TMEM117: variants seen among roughly 807,000 people sequenced by gnomAD.
TMEM117 encodes the protein transmembrane protein 117.
TMEM117 carries 27 observed loss-of-function variants against 52.4 expected under a neutral mutation model. That is an observed-to-expected ratio of 0.51 (90% confidence interval 0.38 to 0.71). TMEM117 has a LOEUF of 0.71. Ranked by LOEUF, TMEM117 falls within the 30% of genes least tolerant of loss-of-function variation. The probability of loss-of-function intolerance (pLI) is 0.00; values close to 1 mark genes in which losing one functional copy is unlikely to be tolerated. For synonymous variants in TMEM117, 215 were observed against 206.3 expected (o/e 1.04, Z -0.36); for missense variants, 556 against 630.5 (o/e 0.88, Z 1.26).
chr12:44,151,938 T>A (rs1265346060), intron 4 of TMEM117, among the ~76,000 whole-genome samples: 1 of 129,084 alleles, frequency 7.7e-6, no homozygotes, highest in Non-Finnish European at 1.6e-5. Context: ...TTATATATTA[T>A]ATTATATTAC....
chr12:44,255,451 C>T (rs1950249089), intron 5 of TMEM117, among the ~76,000 whole-genome samples: 1 of 152,096 alleles, frequency 6.6e-6, no homozygotes, highest in Non-Finnish European at 1.5e-5. Context: ...ATTTATAATA[C>T]TGACATATAA....
intron 4 of TMEM117, among the ~76,000 whole-genome samples, chr12:44,152,440 T>C (rs1948753501): frequency 8.6e-6 from 1 of 115,722 alleles, no homozygotes. Context: ...ATATTATATT[T>C]ATATAATATA....
intron 5 of TMEM117, among the ~76,000 whole-genome samples, chr12:44,222,904 A>G (rs1949807884): frequency 6.6e-6 from 1 of 152,170 alleles, no homozygotes; most frequent in Admixed American, 6.5e-5. Flanking sequence ...AGAATGCTAC[A>G]TTCTCTAAAT....
At chr12:44,182,396 A>G (rs192307834) in intron 4 of TMEM117, among the ~76,000 whole-genome samples, 219 of 152,274 alleles carry the variant, frequency 1.4e-3, no homozygotes, top group African/African-American at 5.0e-3. Flanking sequence ...ACTATGTTGA[A>G]TAGGAGTGGT....
chr12:44,137,252 CTTT>C (rs1948504417), intron 3 of TMEM117, among the ~76,000 whole-genome samples: 1 of 151,946 alleles, frequency 6.6e-6, no homozygotes, highest in Non-Finnish European at 1.5e-5. Flanking sequence ...GAAGCGATAA[CTTT>C]CAAAAGTAAT....
At chr12:43,974,136 A>G (rs1290210651) in intron 3 of TMEM117, among the ~76,000 whole-genome samples, 4 of 152,138 alleles carry the variant, frequency 2.6e-5, no homozygotes, top group Non-Finnish European at 2.9e-5. Flanking sequence ...GTTGGAAGAG[A>G]ACAGTTTCCT....
the TMEM117 span, among the ~76,000 whole-genome samples, chr12:43,811,108 G>A: frequency 1.3e-5 from 2 of 152,312 alleles, no homozygotes; most frequent in Middle Eastern, 3.4e-3. Context: ...AATATTTGAT[G>A]TGGCAAGGTG....
chr12:44,384,038 A>G (rs1319523230), intron 7 of TMEM117, among the ~76,000 whole-genome samples: 1 of 152,128 alleles, frequency 6.6e-6, no homozygotes, highest in African/African-American at 2.4e-5. Flanking sequence ...CTCACTTTAT[A>G]GACAAGAACA....
chr12:44,100,927 TG>T (rs1947850603), intron 3 of TMEM117, among the ~76,000 whole-genome samples: 1 of 151,952 alleles, frequency 6.6e-6, no homozygotes, highest in African/African-American at 2.4e-5. Context: ...TATGACACAC[TG>T]GGTGGATTAT....
intron 3 of TMEM117, among the ~76,000 whole-genome samples, chr12:44,000,612 CACTGTCA>C (rs1946101605): frequency 6.6e-6 from 1 of 152,154 alleles, no homozygotes; most frequent in Admixed American, 6.5e-5. Flanking sequence ...TTACTCAGCA[CACTGTCA>C]ACTGTACCTC....
chr12:44,195,584 AC>A (rs1949408044), intron 4 of TMEM117, among the ~76,000 whole-genome samples: 1 of 152,108 alleles, frequency 6.6e-6, no homozygotes, highest in South Asian at 2.1e-4. Context: ...TGCCTGGAAA[AC>A]ATATACCAGG....
intron 1 of TMEM117, among the ~76,000 whole-genome samples, chr12:43,840,969 T>C (rs1302120183): frequency 6.6e-6 from 1 of 152,174 alleles, no homozygotes; most frequent in Non-Finnish European, 1.5e-5. Flanking sequence ...CTCTGGATAA[T>C]ATTGGGGTAC....
At chr12:44,144,088 T>G (rs188807918) in intron 4 of TMEM117, among the ~76,000 whole-genome samples, 72 of 152,332 alleles carry the variant, frequency 4.7e-4, no homozygotes, top group African/African-American at 1.5e-3. Flanking sequence ...AGAAATCATT[T>G]TCTACATTTA....
chr12:43,842,876 C>T (rs1395218804), intron 1 of TMEM117, among the ~76,000 whole-genome samples: 4 of 152,132 alleles, frequency 2.6e-5, no homozygotes, highest in Non-Finnish European at 2.9e-5. Flanking sequence ...GGACCTGGGC[C>T]TGCTCTCTAG....
At chr12:43,796,839 A>G in the TMEM117 span, 1 of 892,698 alleles carries the variant, frequency 1.1e-6, no homozygotes, top group African/African-American at 1.7e-5. Flanking sequence ...CCAGGCACTT[A>G]GAGGAGATCC....
At chr12:44,216,331 A>G (rs1949718524) in intron 5 of TMEM117, among the ~76,000 whole-genome samples, 1 of 152,028 alleles carries the variant, frequency 6.6e-6, no homozygotes, top group Non-Finnish European at 1.5e-5. Flanking sequence ...TTCAGTTGCA[A>G]TTGTGGAAGC....
the TMEM117 span, among the ~76,000 whole-genome samples, chr12:44,396,576 G>A: frequency 2.6e-5 from 4 of 152,132 alleles, no homozygotes; most frequent in Non-Finnish European, 4.4e-5. Flanking sequence ...CATTTAGGCC[G>A]GGTGCGGTGG....
At chr12:43,981,737 G>T (rs926826114) in intron 3 of TMEM117, among the ~76,000 whole-genome samples, 9 of 152,020 alleles carry the variant, frequency 5.9e-5, no homozygotes, top group Non-Finnish European at 8.8e-5. Context: ...GAGAAAATGG[G>T]TTCTACTACA....
At chr12:43,996,525 C>T (rs535907316) in intron 3 of TMEM117, among the ~76,000 whole-genome samples, 173 of 152,108 alleles carry the variant, frequency 1.1e-3, no homozygotes, top group African/African-American at 3.9e-3. Context: ...CGCCTGTAGT[C>T]CCAGCTACTT....
Sources: gnomAD v4.1 joint callset for allele counts (sites outside exome capture counted in the v4.1 genomes callset) on GRCh38, gnomAD v4.1.1 for gene constraint, MANE v1.5 for transcripts, NCBI Gene and HGNC (gene_info 2026-07-23, HGNC 2026-07-21) for gene names.